Variants in SSH2 observed in about 807,000 individuals in gnomAD.
SSH2 encodes protein phosphatase Slingshot homolog 2.
Under a neutral mutation model 135.2 loss-of-function variants are expected in SSH2, and 37 were observed. The ratio of observed to expected loss-of-function variants is 0.27; its 90% CI spans 0.21 to 0.36. SSH2 has a LOEUF of 0.36. Among genes scored for constraint, SSH2 ranks in the 10% least tolerant of loss-of-function variants. The probability of loss-of-function intolerance (pLI) is 1.00; values close to 1 mark genes in which losing one functional copy is unlikely to be tolerated. For missense variants in SSH2, 1,408 were observed against 1,765.3 expected (o/e 0.80, Z 3.63); for synonymous variants, 628 against 646.2 (o/e 0.97, Z 0.43).
chr17:29,823,534 TC>T, intron 2 of SSH2, among the ~76,000 whole-genome samples: 1 of 151,984 alleles, frequency 6.6e-6, no homozygotes, highest in South Asian at 2.1e-4. Flanking sequence ...AACATCGAAC[TC>T]CAGGGTACCT....
chr17:29,875,094 T>C (rs993728873), intron 1 of SSH2, among the ~76,000 whole-genome samples: 2 of 152,140 alleles, frequency 1.3e-5, no homozygotes, highest in Non-Finnish European at 2.9e-5. Context: ...AGCTGGAGAC[T>C]GTCTGTATAT....
intron 1 of SSH2, among the ~76,000 whole-genome samples, chr17:29,901,299 T>TTC (rs1485334696): frequency 6.6e-6 from 1 of 152,108 alleles, no homozygotes; most frequent in Non-Finnish European, 1.5e-5. Context: ...AAACAATGTT[T>TTC]TCTCTCTCAG....
intron 2 of SSH2, among the ~76,000 whole-genome samples, chr17:29,813,975 CAA>C (rs1250344248): frequency 3.7e-5 from 5 of 133,474 alleles, no homozygotes; most frequent in East Asian, 2.2e-4. Context: ...ACTAAAAATA[CAA>C]AAAAATTAGC....
chr17:29,796,452 T>C (rs2042157544), intron 2 of SSH2, among the ~76,000 whole-genome samples: 1 of 152,214 alleles, frequency 6.6e-6, no homozygotes, highest in Non-Finnish European at 1.5e-5. Flanking sequence ...GTGGTTCTCC[T>C]GCCTCAGCTT....
At chr17:29,680,236 T>C (rs1057260276) in intron 6 of SSH2, among the ~76,000 whole-genome samples, 1 of 152,050 alleles carries the variant, frequency 6.6e-6, no homozygotes, top group East Asian at 1.9e-4. Context: ...GGCTTTCCAC[T>C]ACACTTGCTG....
At chr17:29,795,958 G>A (rs545791394) in intron 2 of SSH2, among the ~76,000 whole-genome samples, 83 of 152,320 alleles carry the variant, frequency 5.4e-4, no homozygotes, top group African/African-American at 2.0e-3. Context: ...GGCCAGGCTG[G>A]TCTCAAACTC....
At chr17:29,691,410 T>A (rs1160645464) in intron 5 of SSH2, among the ~76,000 whole-genome samples, 1 of 152,158 alleles carries the variant, frequency 6.6e-6, no homozygotes, top group Non-Finnish European at 1.5e-5. Context: ...ACAGTTTTTC[T>A]AAGTACTACA....
At chr17:29,760,579 A>C (rs1205413296) in intron 3 of SSH2, among the ~76,000 whole-genome samples, 1 of 152,182 alleles carries the variant, frequency 6.6e-6, no homozygotes, top group Non-Finnish European at 1.5e-5. Flanking sequence ...GTGTGCGTGC[A>C]GGCTTGGGCT....
At chr17:29,900,283 G>C (rs2066525965) in intron 1 of SSH2, among the ~76,000 whole-genome samples, 1 of 152,056 alleles carries the variant, frequency 6.6e-6, no homozygotes, top group Non-Finnish European at 1.5e-5. Flanking sequence ...TAGACAAATG[G>C]GATCTAATTA....
At chr17:29,919,804 C>T (rs964008964) in intron 1 of SSH2, among the ~76,000 whole-genome samples, 2 of 151,232 alleles carry the variant, frequency 1.3e-5, no homozygotes, top group African/African-American at 4.9e-5. Context: ...AAAACATGGA[C>T]ATGTGAATAG....
At chr17:29,655,038 C>A (rs947891645) in intron 12 of SSH2, among the ~76,000 whole-genome samples, 1 of 152,110 alleles carries the variant, frequency 6.6e-6, no homozygotes, top group African/African-American at 2.4e-5. Context: ...TTCTTCAAAG[C>A]CCTTCAATTA....
Position 29,853,004 on chromosome 17 carries a change from C to T in SSH2, c.64-4075G>A, listed in dbSNP as rs144871073. On this transcript the variant is annotated intron_variant, in intron 1 of 15. Coordinates refer to ENST00000540801, the MANE Select transcript of SSH2 (RefSeq NM_001282129.2). The stretch of plus-strand genomic sequence containing the variant: ...AATTATTTAAATAGATGCTAAAAAG[C>T]GTTTGACAAAATAGTCATTTCTGGT... 9.6e-4 allele frequency among the ~76,000 whole-genome samples: 145 copies of T among 151,668 alleles called. 2 individuals are homozygous for T. Among genetic ancestry groups the T allele is most frequent in the Middle Eastern group, 3.4e-3 (1 of 292 alleles).
chr17:29,782,870 G>A (rs2041870270), intron 3 of SSH2, among the ~76,000 whole-genome samples: 1 of 152,182 alleles, frequency 6.6e-6, no homozygotes, highest in Admixed American at 6.5e-5. Context: ...ACAGGCATGC[G>A]CCACTACACC....
At chr17:29,924,906 A>G (rs552009002) in intron 1 of SSH2, among the ~76,000 whole-genome samples, 3 of 152,290 alleles carry the variant, frequency 2.0e-5, no homozygotes, top group African/African-American at 7.2e-5. Flanking sequence ...ATGATCTCCA[A>G]AGAGAGTGTG....
chr17:29,720,516 T>C (rs987425897), intron 3 of SSH2, among the ~76,000 whole-genome samples: 2 of 152,200 alleles, frequency 1.3e-5, no homozygotes, highest in Non-Finnish European at 2.9e-5. Flanking sequence ...GTAAAGTATG[T>C]TGAATCTCTT....
intron 6 of SSH2, among the ~76,000 whole-genome samples, chr17:29,681,202 G>T (rs551830311): frequency 3.7e-4 from 56 of 151,570 alleles, no homozygotes; most frequent in African/African-American, 1.3e-3. Context: ...GGGCATGGTG[G>T]TGTGCGCCTG....
chr17:29,661,051 A>T (rs1379440663), intron 11 of SSH2, among the ~76,000 whole-genome samples: 3 of 149,924 alleles, frequency 2.0e-5, no homozygotes, highest in Non-Finnish European at 4.5e-5. Context: ...AAAAGAGTGA[A>T]ATTCCATCTC....
intron 3 of SSH2, among the ~76,000 whole-genome samples, chr17:29,762,145 T>G (rs1407381800): frequency 2.0e-5 from 3 of 152,016 alleles, no homozygotes; most frequent in African/African-American, 7.2e-5. Flanking sequence ...CCTCCCAAAG[T>G]GCTGGGATTA....
chr17:29,749,900 A>G (rs1316746252), intron 3 of SSH2, among the ~76,000 whole-genome samples: 1 of 151,358 alleles, frequency 6.6e-6, no homozygotes, highest in East Asian at 2.0e-4. Context: ...TTAATTTTTG[A>G]ATTTTTAGTA....
Sources: gnomAD v4.1 joint callset for allele counts (sites outside exome capture counted in the v4.1 genomes callset) on GRCh38, gnomAD v4.1.1 for gene constraint, MANE v1.5 for transcripts, NCBI Gene and HGNC (gene_info 2026-07-23, HGNC 2026-07-21) for gene names.